The following SYNE1 variants were observed in gnomAD, a reference collection of about 807,000 sequenced individuals.
SYNE1 encodes the protein nesprin-1.
SYNE1 carries 616 observed loss-of-function variants against 1,111.0 expected under a neutral mutation model. That is an observed-to-expected ratio of 0.55 (90% CI 0.52 to 0.59). The LOEUF (loss-of-function observed/expected upper bound fraction) is 0.59, where lower values mean the gene tolerates loss of function less well. Among genes scored for constraint, SYNE1 ranks in the 20% least tolerant of loss-of-function variants. The pLI is 0.00. For missense variants in SYNE1, 10,006 were observed against 10,417.0 expected (o/e 0.96, Z 1.72); for synonymous variants, 3,855 against 3,825.8 (o/e 1.01, Z -0.28).
chr6:152,566,459 G>A (rs1206826750), intron 3 of SYNE1, among the ~76,000 whole-genome samples: 1 of 151,336 alleles, frequency 6.6e-6, no homozygotes, highest in African/African-American at 2.4e-5. Flanking sequence ...AGAGGAAGGA[G>A]GTGCAGAGGG....
intron 3 of SYNE1, among the ~76,000 whole-genome samples, chr6:152,618,318 G>A (rs2099666809): frequency 6.6e-6 from 1 of 152,088 alleles, no homozygotes; most frequent in East Asian, 1.9e-4. Flanking sequence ...TTGGCAAGAT[G>A]AACGCAGTGG....
intron 2 of SYNE1, 44 bp from the exon 3 acceptor site, chr6:152,628,598 A>T: frequency 2.1e-6 from 1 of 485,294 alleles, no homozygotes; most frequent in Admixed American, 3.4e-5. Context: ...AAAAAAATCT[A>T]CGAAGGTCAC....
At chr6:152,234,576 C>T in intron 111 of SYNE1, 92 bp downstream of exon 111, 3 of 1,497,328 alleles carry the variant, frequency 2.0e-6, no homozygotes, top group South Asian at 2.3e-5. Flanking sequence ...CAGGTGTGAG[C>T]CACCGCACCC....
Position 152,398,961 on chromosome 6 carries a change from A to C in SYNE1, c.7238-230T>G, listed in dbSNP as rs116756734. Among the ~76,000 whole-genome samples, 662 of 152,328 alleles carry C rather than the reference A, an allele frequency of 4.3e-3. 7 individuals carry two copies. The highest frequency in any genetic ancestry group is 0.015 in the African/African-American group (628 of 41,570). ...GAAGTTATCTCAGAGGAAAGACTAA[A>C]AAGAAATGTATGTTCCTGGAATGTC... On this transcript the variant is annotated intron_variant, in intron 48 of 145. Transcript: ENST00000367255.
At chr6:152,487,663 T>A (rs180878072) in intron 12 of SYNE1, among the ~76,000 whole-genome samples, 5 of 152,206 alleles carry the variant, frequency 3.3e-5, no homozygotes, top group African/African-American at 1.2e-4. Context: ...ATCCCTTTAA[T>A]GGACCCTCCA....
In SYNE1 at chr6:152,284,000, G is replaced by A. The variant is rs139790539; in HGVS notation, c.18185C>T (p.Ser6062Leu). 9.3e-4 allele frequency: 1,499 copies of A among 1,614,164 alleles called. 18 individuals carry two copies. The Admixed American group carries it at 0.016, about 17-fold the overall frequency. The change falls in exon 96 of 146, where the codon TCG becomes TTG. Residue 6062 changes from serine (S) to leucine (L), a missense_variant. Coordinates refer to ENST00000367255, the MANE Select transcript of SYNE1 (RefSeq NM_182961.4). Reference sequence around the variant, plus strand: ...TACCTCCAAAAGCTGCCGTTTCCCCGAGGCTTTCATCCTGATGGTGGACAT... The same window carrying A: ...TACCTCCAAAAGCTGCCGTTTCCCCAAGGCTTTCATCCTGATGGTGGACAT... ...ERMSTIRMKASGKRQLLEEKL... is the reference protein window; with the variant it reads ...ERMSTIRMKALGKRQLLEEKL...
At position 152,301,914 on chromosome 6, in the gene SYNE1, A is replaced by G. The variant is rs752474980; in HGVS notation, c.17496T>C (p.Asp5832=). The G allele has an allele frequency of 2.2e-5, 36 of 1,613,990 alleles. No individual in the cohort carries two copies. The highest frequency in any genetic ancestry group is 3.1e-5 in the Non-Finnish European group (36 of 1,180,010). The change falls in exon 92 of 146, where the codon GAT becomes GAC. Residue 5832 remains aspartate, a synonymous_variant. Coordinates refer to ENST00000367255, the MANE Select transcript of SYNE1 (RefSeq NM_182961.4). ...CCGAAGGCGTGGGGAGGAGCTCCCC[A>G]TCCAGGTCCTCTGTCCCTTCCGCCA... is the stretch of plus-strand genomic sequence containing the variant. ...EGLAEGTEDL[D]GELLPTPSAH...
chr6:152,290,726 A>G (rs1308744419), intron 95 of SYNE1, among the ~76,000 whole-genome samples: 1 of 152,148 alleles, frequency 6.6e-6, no homozygotes, highest in Non-Finnish European at 1.5e-5. Context: ...AATAAAAACT[A>G]AAGTATTTCT....
chr6:152,552,347 G>C (rs756264927), intron 3 of SYNE1, among the ~76,000 whole-genome samples: 4 of 151,744 alleles, frequency 2.6e-5, no homozygotes, highest in Non-Finnish European at 5.9e-5. Flanking sequence ...TTGGGATTTT[G>C]CATTTCAAAT....
chr6:152,231,251 T>G, intron 114 of SYNE1, 140 bp downstream of exon 114: 1 of 810,846 alleles, frequency 1.2e-6, no homozygotes, highest in Non-Finnish European at 2.1e-6. Context: ...AAGTTTAGGG[T>G]GATTAACCTT....
chr6:152,413,817 G>T (rs1325945300), intron 41 of SYNE1, among the ~76,000 whole-genome samples: 2 of 152,018 alleles, frequency 1.3e-5, no homozygotes, highest in East Asian at 3.9e-4. Context: ...GATGGTAGAA[G>T]ATTTTCAAAA....
At position 152,122,502 on chromosome 6, in the gene SYNE1, G is replaced by A. The variant is rs1195039347; in HGVS notation, c.26328C>T (p.Leu8776=). Residue 8776 remains leucine, a synonymous_variant, in exon 146 of 146, where the codon CTC becomes CTT. Coordinates refer to ENST00000367255, the MANE Select transcript of SYNE1 (RefSeq NM_182961.4). ...GGAATGACCGGGCAAAGTTGTTGGA[G>A]AGGGCACAGCTGTAGTCTTCCTCTG... ...PMSEEDYSCA[L]SNNFARSFHP... is the part of the protein sequence containing the mutation. 1.2e-6 allele frequency: 2 copies of A among 1,614,082 alleles called. No homozygotes were observed. Among genetic ancestry groups the A allele is most frequent in the Non-Finnish European group, 1.7e-6 (2 of 1,180,042 alleles).
intron 3 of SYNE1, among the ~76,000 whole-genome samples, chr6:152,627,876 A>C (rs1423280534): frequency 6.6e-6 from 1 of 152,158 alleles, no homozygotes; most frequent in African/African-American, 2.4e-5. Flanking sequence ...ATTTGACAAT[A>C]GCATATAGCT....
intron 62 of SYNE1, 68 bp downstream of exon 62, chr6:152,367,150 T>C (rs1284136693): frequency 6.3e-7 from 1 of 1,589,570 alleles, no homozygotes; most frequent in Non-Finnish European, 8.6e-7. Context: ...CCCAGGTGGA[T>C]GGAGACGGGA....
chr6:152,295,457 C>T (rs978723562), intron 93 of SYNE1, among the ~76,000 whole-genome samples: 3 of 152,190 alleles, frequency 2.0e-5, no homozygotes, highest in Non-Finnish European at 4.4e-5. Flanking sequence ...TGTATGCTGT[C>T]ATCGCTCAGC....
chr6:152,513,836 T>G (rs1564569184), intron 6 of SYNE1, among the ~76,000 whole-genome samples: 3 of 152,008 alleles, frequency 2.0e-5, no homozygotes, highest in Admixed American at 1.3e-4. Flanking sequence ...AGCAGACACT[T>G]CTCAAAAGAA....
At chr6:152,616,421 A>T (rs1727041) in intron 3 of SYNE1, among the ~76,000 whole-genome samples, 108,367 of 151,480 alleles carry the variant, frequency 0.72, 38,864 homozygotes, top group East Asian at 0.81. Flanking sequence ...AAAATTTTTT[A>T]AAAAATTAGC....
chr6:152,242,573 G>A (rs1219646509), intron 106 of SYNE1, 133 bp from the exon 107 acceptor site: 18 of 871,816 alleles, frequency 2.1e-5, no homozygotes, highest in East Asian at 5.2e-5. Context: ...TCCTGGAAAC[G>A]CTCTACCTGT....
intron 6 of SYNE1, among the ~76,000 whole-genome samples, chr6:152,519,921 G>A (rs933806618): frequency 2.6e-5 from 4 of 152,022 alleles, no homozygotes; most frequent in Admixed American, 2.6e-4. Flanking sequence ...ACTTTCTTGG[G>A]ACTTTTTCCA....
Sources: gnomAD v4.1 joint callset for allele counts (sites outside exome capture counted in the v4.1 genomes callset) on GRCh38, gnomAD v4.1.1 for gene constraint, MANE v1.5 for transcripts, NCBI Gene and HGNC (gene_info 2026-07-23, HGNC 2026-07-21) for gene names.